The following CDC25B variants were observed in gnomAD, a reference collection of about 807,000 sequenced individuals.
CDC25B encodes M-phase inducer phosphatase 2.
Under a neutral mutation model 69.8 loss-of-function variants are expected in CDC25B, and 33 were observed. That is an observed-to-expected ratio of 0.47 (90% CI 0.36 to 0.63). The LOEUF (loss-of-function observed/expected upper bound fraction) is 0.63, where lower values mean the gene tolerates loss of function less well. CDC25B is among the 30% of genes least tolerant of loss of function. The pLI, the probability that CDC25B is intolerant of heterozygous loss-of-function variation, is 0.00. For synonymous variants in CDC25B, 341 were observed against 314.6 expected, an observed-to-expected ratio of 1.08 and a Z score of -0.89; for missense variants, 727 against 809.1, an observed-to-expected ratio of 0.90 and a Z score of 1.23.
chr20:3,792,755 C>T (rs776541042), upstream of CDC25B, among the ~76,000 whole-genome samples: 21 of 152,064 alleles, frequency 1.4e-4, no homozygotes, highest in Non-Finnish European at 2.9e-4. Context: ...TGTGAGCCAC[C>T]GTGCCCAGCG....
chr20:3,798,186 A>G (rs2089133121), intron 2 of CDC25B, among the ~76,000 whole-genome samples: 1 of 152,194 alleles, frequency 6.6e-6, no homozygotes, highest in African/African-American at 2.4e-5. Context: ...AAAGACGCAT[A>G]TGAAGGAATT....
At chr20:3,787,187 C>G (rs991869172) in intron 1 of CDC25B, 16 of 639,090 alleles carry the variant, frequency 2.5e-5, no homozygotes, top group African/African-American at 2.1e-4. Context: ...AGATGCATGT[C>G]GTTTTCTTTT....
intron 1 of CDC25B, among the ~76,000 whole-genome samples, chr20:3,788,142 A>AAAGAAAGAAAGAAAGAAAG (rs2088855200): frequency 6.7e-6 from 1 of 149,974 alleles, no homozygotes; most frequent in Admixed American, 6.6e-5. Context: ...ATCTCAAAAA[A>AAAGAAAGAAAGAAAGAAAG]AAAGAAAGAA....
At chr20:3,797,024 C>T (rs947813078) in intron 1 of CDC25B, among the ~76,000 whole-genome samples, 5 of 152,172 alleles carry the variant, frequency 3.3e-5, no homozygotes, top group Non-Finnish European at 5.9e-5. Context: ...ACGCTGCCTC[C>T]GTAATCTCTG....
Position 3,801,093 on chromosome 20 carries a change from G to A in CDC25B, c.705G>A (p.Met235Ile). ...AQRPSSAPDLMCLSPDRKMEV... is the reference protein window; with the variant it reads ...AQRPSSAPDLICLSPDRKMEV... ...GACCCAGCTCGGCCCCCGACCTGATGGTACATCCAGAGAGCGGATCCCTGG... is the reference window on the plus strand; with the variant it reads ...GACCCAGCTCGGCCCCCGACCTGATAGTACATCCAGAGAGCGGATCCCTGG... Residue 235 changes from methionine to isoleucine, a missense_variant and splice_region_variant, in exon 7 of 16, where the codon ATG (methionine) becomes ATA (isoleucine). Physicochemically the swap from Met to Ile is conservative, Grantham distance 10 (BLOSUM62 1). Transcript: ENST00000245960. The A allele has an allele frequency of 4.3e-6, 7 of 1,614,008 alleles. No homozygotes were observed. The highest frequency in any genetic ancestry group is 5.9e-6 in the Non-Finnish European group (7 of 1,179,912).
Position 3,800,789 on chromosome 20 carries a change from C to G in CDC25B, c.506C>G (p.Ser169Cys). 6.2e-7 allele frequency: 1 copy of G among 1,612,410 alleles called. No individual in the cohort carries two copies. Among genetic ancestry groups the G allele is most frequent in the Non-Finnish European group, 8.5e-7 (1 of 1,180,034 alleles). The stretch of plus-strand genomic sequence containing the variant: ...CCCGTGCTTCGGAACATCACCAACT[C>G]CCAGGCGCCCGACGGCCGGAGGAAG... ...HSPVLRNITNSQAPDGRRKSE... is the reference protein window; with the variant it reads ...HSPVLRNITNCQAPDGRRKSE... The change falls in exon 6 of 16, where the codon TCC becomes TGC. Residue 169 changes from serine to cysteine, a missense_variant. Ser to Cys is a moderately radical substitution (Grantham distance 112). Transcript: ENST00000245960.
chr20:3,802,202 A>G lies in CDC25B; in HGVS notation c.1099-79A>G, dbSNP rs2089309038. The G allele has an allele frequency of 1.9e-6, 3 of 1,555,990 alleles. No individual in the cohort carries two copies. The Admixed American group carries it at 5.2e-5, about 27-fold the overall frequency. ...GCAGGTGGCAGCCTGGGCATGGCAG[A>G]GAAAGGGGGTACCAGCCAGCCAGAG... On this transcript the variant is annotated intron_variant, in intron 10 of 15. Transcript: ENST00000245960.
intron 2 of CDC25B, among the ~76,000 whole-genome samples, chr20:3,797,973 C>T (rs943318440): frequency 6.6e-6 from 1 of 152,226 alleles, no homozygotes; most frequent in African/African-American, 2.4e-5. Flanking sequence ...GGGTGGGGCC[C>T]TCTACGGAGA....
At chr20:3,794,188 G>A (rs193069835), upstream of CDC25B, among the ~76,000 whole-genome samples, 2 of 150,926 alleles carry the variant, frequency 1.3e-5, no homozygotes, top group East Asian at 3.9e-4. Flanking sequence ...ACTTCCACAA[G>A]GGTTGAACTA....
chr20:3,789,973 A>G (rs1394261137), intron 1 of CDC25B, among the ~76,000 whole-genome samples: 2 of 151,088 alleles, frequency 1.3e-5, no homozygotes, highest in African/African-American at 4.9e-5. Flanking sequence ...TGGGCGACAG[A>G]GCAAGACTCT....
At chr20:3,797,481 G>A (rs2089100897) in intron 1 of CDC25B, 141 bp from the exon 2 acceptor site, 1 of 1,074,148 alleles carries the variant, frequency 9.3e-7, no homozygotes. Flanking sequence ...CCTGAGAAGA[G>A]GGGGCCCTCA....
chr20:3,800,653 T>C, intron 5 of CDC25B, 90 bp from the exon 6 acceptor site: 1 of 1,594,372 alleles, frequency 6.3e-7, no homozygotes, highest in Non-Finnish European at 8.5e-7. Flanking sequence ...TGGGAGGAGC[T>C]GGAGGAGAGG....
In CDC25B at chr20:3,796,586, G is replaced by C. The variant is rs1483777272; in HGVS notation, c.55G>C (p.Val19Leu). The change falls in exon 1 of 16, where the codon GTG becomes CTG. Residue 19 changes from valine to leucine, a missense_variant. By Grantham distance (32) the Val-to-Leu change is conservative. Transcript: ENST00000245960. ...APGSALSPAG[V>L]CGGAQRPGHL... The stretch of plus-strand genomic sequence containing the variant: ...AGGCTCGGCTCTCAGTCCAGCAGGC[G>C]TGTGCGGTGGCGCCCAGCGTCCGGG... 2.1e-6 allele frequency: 3 copies of C among 1,448,648 alleles called. No homozygotes were observed. Among genetic ancestry groups the C allele is most frequent in the Non-Finnish European group, 2.7e-6 (3 of 1,105,584 alleles). The allele number at this position is 1,448,648 out of a possible 1,614,324, so 89.7% of individuals were successfully genotyped here.
In CDC25B at chr20:3,801,390, T is replaced by G; in HGVS notation, c.840+2T>G. ...GACATCCTAGAGAGTGACTTAAAGG[T>G]AAACAGCCTTGTCCCACCAGGCCCC... On this transcript the variant is annotated splice_donor_variant, in intron 8 of 15. Transcript: ENST00000245960. LOFTEE classifies it high-confidence loss of function. The G allele has an allele frequency of 6.2e-7, 1 of 1,607,944 alleles. No individual in the cohort carries two copies. The highest frequency in any genetic ancestry group is 8.5e-7 in the Non-Finnish European group (1 of 1,176,534).
At chr20:3,800,418 C>G (rs1326871338) in intron 4 of CDC25B, 44 bp from the exon 5 acceptor site, 4 of 1,613,246 alleles carry the variant, frequency 2.5e-6, no homozygotes, top group Non-Finnish European at 3.4e-6. Context: ...TTGGTCCCTG[C>G]CCTGCCTCTC....
At chr20:3,800,691 C>G in intron 5 of CDC25B, 52 bp from the exon 6 acceptor site, 2 of 1,600,780 alleles carry the variant, frequency 1.2e-6, no homozygotes, top group Non-Finnish European at 1.7e-6. Flanking sequence ...GGGCTCGTGC[C>G]GGAGGAATGC....
rs775666911 is a variant in CDC25B at position 3,800,497 on chromosome 20, C to T, written c.458C>T (p.Pro153Leu). Reference sequence around the variant, plus strand: ...GCCATCAGACGCTTCCAGTCTATGCCGGTGAGTGTCTTCGAGGCCTGACTG... The same window carrying T: ...GCCATCAGACGCTTCCAGTCTATGCTGGTGAGTGTCTTCGAGGCCTGACTG... Reference protein sequence around the residue: ...QFAIRRFQSMPVRLLGHSPVL... With the variant: ...QFAIRRFQSMLVRLLGHSPVL... The change falls in exon 5 of 16, where the codon CCG becomes CTG. Residue 153 changes from proline to leucine, a missense_variant and splice_region_variant. Around this residue, in one of 2 missense-constraint regions of CDC25B, gnomAD observed 368 missense variants for 345.6 expected, o/e 1.06. Coordinates refer to ENST00000245960, the MANE Select transcript of CDC25B (RefSeq NM_021873.4). 6.2e-6 allele frequency: 10 copies of T among 1,614,016 alleles called. No homozygotes were observed. The highest frequency in any genetic ancestry group is 1.6e-4 in the Middle Eastern group (1 of 6,082).
chr20:3,804,950 C>T lies in CDC25B; in HGVS notation c.1732C>T (p.Gln578Ter), dbSNP rs1568514303. 1 of 1,612,500 alleles carries T rather than the reference C, an allele frequency of 6.2e-7. No individual in the cohort carries two copies. Among genetic ancestry groups the T allele is most frequent in the Non-Finnish European group, 8.5e-7 (1 of 1,179,938 alleles). Residue 578 changes from glutamine to a stop codon, truncating the protein, a stop_gained, in exon 16 of 16, where the codon CAG becomes TAG. Transcript: ENST00000245960. LOFTEE classifies it high-confidence loss of function. ...RSRRELCSRL[Q>*]DQ The stretch of plus-strand genomic sequence containing the variant: ...CCGGCGGGAGCTCTGTAGCCGGCTG[C>T]AGGACCAGTGAGGGGCCTGCGCCAG...
intron 3 of CDC25B, 97 bp downstream of exon 3, chr20:3,798,560 A>G: frequency 1.0e-6 from 1 of 982,754 alleles, no homozygotes; most frequent in Non-Finnish European, 1.5e-6. Flanking sequence ...CTGGGAAAGC[A>G]GACAGACCAT....
Sources: allele counts gnomAD v4.1 joint callset (sites outside exome capture counted in the v4.1 genomes callset), GRCh38; gene constraint gnomAD v4.1.1; regional missense constraint gnomAD v4.1.1; transcripts MANE v1.5; gene names NCBI Gene and HGNC (gene_info 2026-07-23, HGNC 2026-07-21).